The following ROBO2 variants were observed in gnomAD, a reference collection of about 807,000 sequenced individuals.
ROBO2 encodes the protein roundabout guidance receptor 2, also known as roundabout homolog 2.
ROBO2 carries 53 observed loss-of-function variants against 160.8 expected under a neutral mutation model. The observed-to-expected ratio is 0.33, with a 90% CI of 0.26 to 0.41. ROBO2 has a LOEUF of 0.41. Among genes scored for constraint, ROBO2 ranks in the 10% least tolerant of loss-of-function variants. The pLI is 1.00. For synonymous variants in ROBO2, 664 were observed against 611.7 expected (o/e 1.09, Z -1.26); for missense variants, 1,577 against 1,722.4 (o/e 0.92, Z 1.49).
At chr3:77,006,278 C>A (rs2061572672) in intron 2 of ROBO2, among the ~76,000 whole-genome samples, 1 of 148,172 alleles carries the variant, frequency 6.7e-6, no homozygotes, top group African/African-American at 2.5e-5. Context: ...ATATACTGGC[C>A]AAATGTTGAT....
chr3:76,546,332 C>CTAATTGT lies in ROBO2; in HGVS notation c.110-551677_110-551676insGTTAATT, dbSNP rs2083094021. Among the ~76,000 whole-genome samples the CTAATTGT allele has an allele frequency of 2.6e-5, 4 of 151,934 alleles. No homozygotes were observed. The South Asian group carries it at 8.3e-4, about 31-fold the overall frequency. On this transcript the variant is annotated intron_variant, in intron 2 of 26. Coordinates refer to the ROBO2 transcript ENST00000487694. ...AAGCAAATCAAATTCTTCCTGTTAA[C>CTAATTGT]TAATTATTTTTAGCAATTTCAGCTG... is the stretch of plus-strand genomic sequence containing the variant.
At chr3:76,518,907 A>C (rs1285069242) in intron 2 of ROBO2, among the ~76,000 whole-genome samples, 3 of 152,178 alleles carry the variant, frequency 2.0e-5, no homozygotes, top group Non-Finnish European at 4.4e-5. Flanking sequence ...CAAAAACCTA[A>C]AATTTTTTTG....
At chr3:75,928,884 G>GTGTT (rs1281016337) in intron 1 of ROBO2, among the ~76,000 whole-genome samples, 4 of 148,904 alleles carry the variant, frequency 2.7e-5, no homozygotes, top group Admixed American at 6.7e-5. Flanking sequence ...GTGTGTGTGT[G>GTGTT]TGTGTGTGTG....
chr3:77,185,838 C>G (rs1179051839), intron 2 of ROBO2, among the ~76,000 whole-genome samples: 1 of 151,634 alleles, frequency 6.6e-6, no homozygotes, highest in Non-Finnish European at 1.5e-5. Flanking sequence ...TGATGGAATA[C>G]TAGTCAGCCA....
chr3:76,979,744 T>TACACACAC (rs138996245), intron 2 of ROBO2, among the ~76,000 whole-genome samples: 14 of 147,570 alleles, frequency 9.5e-5, no homozygotes, highest in African/African-American at 2.2e-4. Flanking sequence ...TTACTTTTCT[T>TACACACAC]ACACACACAC....
At chr3:76,869,013 TCATTCTGTG>T (rs1241536515) in intron 2 of ROBO2, among the ~76,000 whole-genome samples, 2 of 152,138 alleles carry the variant, frequency 1.3e-5, no homozygotes, top group Non-Finnish European at 2.9e-5. Context: ...TTATTAAACA[TCATTCTGTG>T]CATTTTTTTT....
chr3:76,902,374 T>G (rs574252218), intron 2 of ROBO2, among the ~76,000 whole-genome samples: 1 of 152,194 alleles, frequency 6.6e-6, no homozygotes, highest in East Asian at 1.9e-4. Flanking sequence ...TTTTGATATC[T>G]GGTGAGAGTA....
chr3:76,784,299 T>C (rs1477730013), intron 2 of ROBO2, among the ~76,000 whole-genome samples: 4 of 151,174 alleles, frequency 2.6e-5, no homozygotes, highest in African/African-American at 9.7e-5. Context: ...AGAGGGATTC[T>C]GGAGGGCTTG....
intron 2 of ROBO2, among the ~76,000 whole-genome samples, chr3:76,004,417 CAT>C (rs1312844035): frequency 6.6e-6 from 1 of 152,088 alleles, no homozygotes; most frequent in African/African-American, 2.4e-5. Context: ...CACTAGGTAA[CAT>C]AGTACTCTAG....
At chr3:76,556,970 T>C (rs1443173617) in intron 2 of ROBO2, among the ~76,000 whole-genome samples, 2 of 152,126 alleles carry the variant, frequency 1.3e-5, no homozygotes, top group South Asian at 4.1e-4. Context: ...TAATTTATCA[T>C]ATTTAGACTA....
At chr3:76,454,468 T>C (rs1044630037) in intron 2 of ROBO2, among the ~76,000 whole-genome samples, 11 of 152,180 alleles carry the variant, frequency 7.2e-5, no homozygotes, top group Admixed American at 2.6e-4. Context: ...ATTGTAACTC[T>C]GTGAGATTAA....
chr3:75,932,583 G>A (rs550666872), intron 1 of ROBO2, among the ~76,000 whole-genome samples: 63 of 152,294 alleles, frequency 4.1e-4, no homozygotes, highest in Non-Finnish European at 5.1e-4. Flanking sequence ...GAAGCAGAAC[G>A]TTTATGCACT....
intron 2 of ROBO2, among the ~76,000 whole-genome samples, chr3:75,953,659 G>A (rs755346376): frequency 6.6e-6 from 1 of 151,816 alleles, no homozygotes; most frequent in African/African-American, 2.4e-5. Flanking sequence ...TTCAGGCAGG[G>A]TGTATATAGG....
At chr3:76,185,210 A>ATCC in intron 2 of ROBO2, among the ~76,000 whole-genome samples, 1 of 106,498 alleles carries the variant, frequency 9.4e-6, no homozygotes, top group Non-Finnish European at 2.1e-5. Context: ...ATATATATAT[A>ATCC]TATATACACA....
intron 2 of ROBO2, among the ~76,000 whole-genome samples, chr3:77,113,891 C>T (rs1330384457): frequency 6.6e-6 from 1 of 152,138 alleles, no homozygotes; most frequent in East Asian, 1.9e-4. Flanking sequence ...TAGAGCTATA[C>T]ATGTAGAAGC....
rs373731872 is a variant in ROBO2, at chr3:76,616,506, GAGATTTCCACTC to G, written c.110-481497_110-481486del. 2.2e-3 allele frequency among the ~76,000 whole-genome samples: 331 copies of G among 152,042 alleles called. 1 individual carries two copies. Among genetic ancestry groups the G allele is most frequent in the African/African-American group, 7.7e-3 (319 of 41,480 alleles). On this transcript the variant is annotated intron_variant, in intron 2 of 26. Transcript: ENST00000487694. ...GATGTGTTATTAGCATTTTTTTTCT[GAGATTTCCACTC>G]AGATTTCCACAGAAAAGCTGTTATA...
At chr3:77,118,312 T>C (rs1435037272) in intron 2 of ROBO2, among the ~76,000 whole-genome samples, 1 of 152,110 alleles carries the variant, frequency 6.6e-6, no homozygotes, top group Non-Finnish European at 1.5e-5. Flanking sequence ...AAAACTGCTG[T>C]GGATGTTCAA....
chr3:76,696,702 G>T (rs891649391), intron 2 of ROBO2, among the ~76,000 whole-genome samples: 2 of 152,088 alleles, frequency 1.3e-5, no homozygotes, highest in Non-Finnish European at 1.5e-5. Flanking sequence ...GCTATGATAC[G>T]GGTCTTCCAA....
intron 2 of ROBO2, among the ~76,000 whole-genome samples, chr3:76,208,089 G>C (rs1037078367): frequency 1.3e-5 from 2 of 152,172 alleles, no homozygotes; most frequent in East Asian, 3.9e-4. Flanking sequence ...TGCCGTGGCT[G>C]TAAGTTTCCT....
Sources: allele counts gnomAD v4.1 joint callset (sites outside exome capture counted in the v4.1 genomes callset), GRCh38; gene constraint gnomAD v4.1.1; transcripts MANE v1.5; gene names NCBI Gene and HGNC (gene_info 2026-07-23, HGNC 2026-07-21).